MTMR9: variants seen among roughly 807,000 people sequenced by gnomAD.
MTMR9 encodes myotubularin related protein 9.
Under a neutral mutation model 69.5 loss-of-function variants are expected in MTMR9, and 39 were observed. The ratio of observed to expected loss-of-function variants is 0.56; its 90% confidence interval spans 0.43 to 0.73. The LOEUF (loss-of-function observed/expected upper bound fraction) is 0.73. Ranked by LOEUF, MTMR9 falls within the 30% of genes least tolerant of loss-of-function variation. The pLI, the probability that MTMR9 is intolerant of heterozygous loss-of-function variation, is 0.00. For missense variants in MTMR9, 900 were observed against 671.2 expected, an observed-to-expected ratio of 1.34 and a Z score of -3.77; for synonymous variants, 354 against 240.8, an observed-to-expected ratio of 1.47 and a Z score of -4.35.
chr8:11,324,615 G>A lies in MTMR9; in HGVS notation c.*1827G>A, dbSNP rs1800841464. ...GAGCTTTTTGTTTTCTTCTCTTTTT[G>A]TCTCAAGATTGTATATGAAGGAGGC... is the stretch of plus-strand genomic sequence containing the variant. On this transcript the variant is annotated 3_prime_UTR_variant, in exon 10 of 10. Transcript: ENST00000221086. 6.8e-6 allele frequency: 1 copy of A among 148,076 alleles called. No individual in the cohort carries two copies. The highest frequency in any genetic ancestry group is 2.5e-5 in the African/African-American group (1 of 40,020). The allele number at this position is 148,076 out of a possible 1,614,324, so 9.2% of individuals were successfully genotyped here.
intron 1 of MTMR9, among the ~76,000 whole-genome samples, chr8:11,292,955 C>G (rs886173003): frequency 6.6e-6 from 1 of 152,136 alleles, no homozygotes; most frequent in African/African-American, 2.4e-5. Flanking sequence ...TATGTATTTA[C>G]TATAGTATAC....
chr8:11,308,006 C>T (rs118065125), intron 5 of MTMR9, among the ~76,000 whole-genome samples: 50 of 152,264 alleles, frequency 3.3e-4, no homozygotes, highest in Non-Finnish European at 6.3e-4. Context: ...TGTCTCTTTA[C>T]TCTGTTGATT....
intron 1 of MTMR9, among the ~76,000 whole-genome samples, chr8:11,286,694 C>T (rs1242021544): frequency 1.5e-5 from 2 of 136,416 alleles, no homozygotes; most frequent in Non-Finnish European, 3.1e-5. Flanking sequence ...AAAAAAAAGT[C>T]TTCAGTGGTC....
intron 2 of MTMR9, chr8:11,299,008 G>C (rs1389629988): frequency 2.0e-6 from 1 of 509,784 alleles, no homozygotes; most frequent in African/African-American, 2.1e-5. Flanking sequence ...AACATTGATG[G>C]AATTTCTACC....
At chr8:11,295,988 A>C (rs1284289396) in intron 2 of MTMR9, among the ~76,000 whole-genome samples, 1 of 152,176 alleles carries the variant, frequency 6.6e-6, no homozygotes, top group Non-Finnish European at 1.5e-5. Context: ...TAGCAGCTAG[A>C]AGTGGAATTG....
chr8:11,339,107 G>C, the MTMR9 span, among the ~76,000 whole-genome samples: 1 of 152,156 alleles, frequency 6.6e-6, no homozygotes, highest in Non-Finnish European at 1.5e-5. Context: ...AAGGATGCAG[G>C]GGTGTCAATC....
chr8:11,289,539 C>G (rs1355862617), intron 1 of MTMR9, among the ~76,000 whole-genome samples: 1 of 151,856 alleles, frequency 6.6e-6, no homozygotes, highest in Non-Finnish European at 1.5e-5. Context: ...CAGTTGATGA[C>G]TCATCATTTT....
At chr8:11,286,387 C>G (rs1031493540) in intron 1 of MTMR9, among the ~76,000 whole-genome samples, 1 of 151,590 alleles carries the variant, frequency 6.6e-6, no homozygotes, top group Admixed American at 6.6e-5. Context: ...TCAGTGGGCC[C>G]GGCACGGTGG....
chr8:11,302,033 G>A (rs920073572), intron 3 of MTMR9, among the ~76,000 whole-genome samples: 1 of 151,954 alleles, frequency 6.6e-6, no homozygotes, highest in Non-Finnish European at 1.5e-5. Flanking sequence ...GAGGCAGGCA[G>A]GTCACTTGAG....
chr8:11,303,656 C>G (rs1400728218), intron 3 of MTMR9, among the ~76,000 whole-genome samples: 1 of 152,006 alleles, frequency 6.6e-6, no homozygotes, highest in Non-Finnish European at 1.5e-5. Flanking sequence ...ACCTCAGCAT[C>G]CTAAGTAGCT....
chr8:11,332,401 AAAC>A (rs1334280701), downstream of MTMR9, among the ~76,000 whole-genome samples: 1 of 152,150 alleles, frequency 6.6e-6, no homozygotes, highest in Non-Finnish European at 1.5e-5. Context: ...GACAAAGACT[AAAC>A]AATTGTCTTA....
At chr8:11,289,419 C>T (rs907859630) in intron 1 of MTMR9, among the ~76,000 whole-genome samples, 2 of 151,832 alleles carry the variant, frequency 1.3e-5, no homozygotes, top group African/African-American at 4.8e-5. Context: ...TCATATATAT[C>T]GCTTACATCA....
intron 5 of MTMR9, among the ~76,000 whole-genome samples, chr8:11,308,769 GGTTT>G (rs2117417751): frequency 6.6e-6 from 1 of 152,240 alleles, no homozygotes; most frequent in South Asian, 2.1e-4. Flanking sequence ...TTCAGCTAAA[GGTTT>G]GTTAGTTTTA....
chr8:11,331,216 C>G (rs764242517), downstream of MTMR9: 3 of 1,614,010 alleles, frequency 1.9e-6, no homozygotes, highest in South Asian at 1.1e-5. Context: ...TCTGGTGCCA[C>G]CAATGGCCTG....
Position 11,309,592 on chromosome 8 carries a change from T to C in MTMR9, c.875T>C (p.Met292Thr). The C allele has an allele frequency of 6.2e-7, 1 of 1,613,942 alleles. No individual in the cohort carries two copies. ...GCTTGTAATGACCAAACACATAACA[T>C]GGACCGATGGCTCAGTAAATTGGAG... is the stretch of plus-strand genomic sequence containing the variant. ...VEACNDQTHN[M>T]DRWLSKLEAS... The change falls in exon 6 of 10, where the codon ATG becomes ACG. Residue 292 changes from methionine to threonine, a missense_variant. Transcript: ENST00000221086.
chr8:11,305,410 A>T (rs1483034919), intron 4 of MTMR9, among the ~76,000 whole-genome samples: 3 of 152,212 alleles, frequency 2.0e-5, no homozygotes, highest in African/African-American at 7.2e-5. Flanking sequence ...AGACGTATTT[A>T]TTTTCAAAGG....
chr8:11,305,230 G>T (rs778761948), intron 4 of MTMR9, among the ~76,000 whole-genome samples: 7 of 152,244 alleles, frequency 4.6e-5, no homozygotes, highest in African/African-American at 1.4e-4. Context: ...CTGCTCAGCC[G>T]TATAAAAGCC....
At chr8:11,286,268 A>C (rs939778322) in intron 1 of MTMR9, among the ~76,000 whole-genome samples, 1 of 151,776 alleles carries the variant, frequency 6.6e-6, no homozygotes, top group African/African-American at 2.4e-5. Flanking sequence ...AAAAATTTCT[A>C]ATGGTAGAAT....
chr8:11,336,644 A>T, the MTMR9 span, among the ~76,000 whole-genome samples: 1 of 152,202 alleles, frequency 6.6e-6, no homozygotes, highest in Non-Finnish European at 1.5e-5. Flanking sequence ...AAGTAAGCAA[A>T]TATACCCTTA....
Sources: gnomAD v4.1 joint callset for allele counts (sites outside exome capture counted in the v4.1 genomes callset) on GRCh38, gnomAD v4.1.1 for gene constraint, MANE v1.5 for transcripts, NCBI Gene and HGNC (gene_info 2026-07-23, HGNC 2026-07-21) for gene names.